The following SOX6 variants were observed in gnomAD, a reference collection of about 807,000 sequenced individuals.
SOX6 encodes transcription factor SOX-6.
In SOX6, 11 loss-of-function variants were observed where a neutral mutation model predicts 97.8. The observed-to-expected ratio is 0.11, with a 90% confidence interval of 0.07 to 0.19. The LOEUF is 0.19. Among genes scored for constraint, SOX6 ranks in the 10% least tolerant of loss-of-function variants. SOX6 has a pLI of 1.00. For missense variants in SOX6, 810 were observed against 1,039.5 expected, an observed-to-expected ratio of 0.78 and a Z score of 3.04; for synonymous variants, 360 against 371.4, an observed-to-expected ratio of 0.97 and a Z score of 0.35.
chr11:16,647,500 G>A (rs1166815635), intron 3 of SOX6, among the ~76,000 whole-genome samples: 1 of 152,180 alleles, frequency 6.6e-6, no homozygotes. Context: ...TGGCATATAG[G>A]AGACAGGGCT....
intron 6 of SOX6, among the ~76,000 whole-genome samples, chr11:16,167,831 C>T (rs183484231): frequency 1.3e-5 from 2 of 152,272 alleles, no homozygotes; most frequent in East Asian, 3.9e-4. Flanking sequence ...TTCCTCCTTC[C>T]CTGCTTTTTC....
At chr11:16,149,427 A>G (rs2134053632) in intron 6 of SOX6, among the ~76,000 whole-genome samples, 1 of 152,234 alleles carries the variant, frequency 6.6e-6, no homozygotes, top group East Asian at 1.9e-4. Flanking sequence ...CCTTTTCAGT[A>G]CATTCCAGGA....
At chr11:16,243,524 A>G (rs937928263) in intron 3 of SOX6, among the ~76,000 whole-genome samples, 1 of 151,914 alleles carries the variant, frequency 6.6e-6, no homozygotes, top group Non-Finnish European at 1.5e-5. Context: ...AACTATATTC[A>G]TATATAATTT....
chr11:16,099,085 C>T (rs2133977827), intron 7 of SOX6, among the ~76,000 whole-genome samples: 1 of 151,882 alleles, frequency 6.6e-6, no homozygotes, highest in Admixed American at 6.6e-5. Flanking sequence ...TGTACACAGT[C>T]CAGTAACAAT....
intron 6 of SOX6, among the ~76,000 whole-genome samples, chr11:16,136,343 GGTTTT>G (rs1849961507): frequency 1.0e-5 from 1 of 98,706 alleles, no homozygotes; most frequent in African/African-American, 3.3e-5. Context: ...GTGTGTGTGT[GGTTTT>G]TTTTTTTTTT....
At chr11:16,211,477 A>T (rs1852230786) in intron 4 of SOX6, among the ~76,000 whole-genome samples, 1 of 151,442 alleles carries the variant, frequency 6.6e-6, no homozygotes, top group African/African-American at 2.4e-5. Flanking sequence ...AAAACTATTT[A>T]CAAAAATATG....
chr11:16,072,021 GC>G (rs1004871259), intron 9 of SOX6, among the ~76,000 whole-genome samples: 1 of 151,902 alleles, frequency 6.6e-6, no homozygotes, highest in African/African-American at 2.4e-5. Flanking sequence ...AACTCAAAAA[GC>G]CAGAGTGCAT....
intron 6 of SOX6, among the ~76,000 whole-genome samples, chr11:16,180,438 G>T (rs1408702071): frequency 6.6e-6 from 1 of 151,572 alleles, no homozygotes; most frequent in East Asian, 1.9e-4. Context: ...TATTAGTTTT[G>T]CTTTCCATAG....
intron 11 of SOX6, among the ~76,000 whole-genome samples, chr11:16,048,658 GT>G (rs1188992003): frequency 6.6e-6 from 1 of 152,104 alleles, no homozygotes; most frequent in Non-Finnish European, 1.5e-5. Flanking sequence ...AGGCAAGAAT[GT>G]TTTTTAAGCT....
At chr11:16,147,283 A>T (rs983292019) in intron 6 of SOX6, among the ~76,000 whole-genome samples, 1 of 152,206 alleles carries the variant, frequency 6.6e-6, no homozygotes, top group African/African-American at 2.4e-5. Flanking sequence ...GTTCTCACTC[A>T]TAGGTGGGAA....
At chr11:16,327,706 G>A (rs972189196) in intron 2 of SOX6, among the ~76,000 whole-genome samples, 2 of 152,104 alleles carry the variant, frequency 1.3e-5, no homozygotes, top group Non-Finnish European at 2.9e-5. Flanking sequence ...ACTGCAAGCA[G>A]AGGAGAACAG....
chr11:15,976,931 G>A (rs950853684), intron 15 of SOX6, among the ~76,000 whole-genome samples: 8 of 151,906 alleles, frequency 5.3e-5, no homozygotes, highest in South Asian at 2.1e-4. Context: ...TAAGGCCCTC[G>A]GAAGAGTTGG....
chr11:16,033,212 G>A (rs1488706256), intron 12 of SOX6, among the ~76,000 whole-genome samples: 1 of 152,038 alleles, frequency 6.6e-6, no homozygotes, highest in Non-Finnish European at 1.5e-5. Flanking sequence ...ACAACAATAA[G>A]GGAACCAGAA....
chr11:16,627,440 G>A (rs754157213), intron 3 of SOX6, among the ~76,000 whole-genome samples: 9 of 152,040 alleles, frequency 5.9e-5, no homozygotes, highest in Non-Finnish European at 8.8e-5. Context: ...CACCAACAAC[G>A]TATAAGCCTC....
chr11:16,131,282 T>G (rs1849733386), intron 6 of SOX6, among the ~76,000 whole-genome samples: 1 of 151,746 alleles, frequency 6.6e-6, no homozygotes, highest in Non-Finnish European at 1.5e-5. Flanking sequence ...TTTATAAAAC[T>G]GGAATCAAAG....
chr11:16,371,460 C>T (rs1230924763), intron 1 of SOX6, among the ~76,000 whole-genome samples: 1 of 151,394 alleles, frequency 6.6e-6, no homozygotes, highest in African/African-American at 2.4e-5. Flanking sequence ...TAATAACTTA[C>T]TTTTTCTTTT....
intron 9 of SOX6, among the ~76,000 whole-genome samples, chr11:16,056,589 T>A (rs1459727520): frequency 1.3e-5 from 2 of 152,170 alleles, no homozygotes; most frequent in African/African-American, 2.4e-5. Context: ...TCCAAACAGA[T>A]CACCACACTT....
At chr11:16,237,051 CA>C (rs1853045724) in intron 3 of SOX6, among the ~76,000 whole-genome samples, 1 of 151,828 alleles carries the variant, frequency 6.6e-6, no homozygotes, top group Non-Finnish European at 1.5e-5. Context: ...TATTTAATAG[CA>C]ACCACTGATT....
At chr11:16,311,807 A>G (rs752730154) in intron 3 of SOX6, 17 of 152,212 alleles carry the variant, frequency 1.1e-4, no homozygotes, top group Non-Finnish European at 1.8e-4. Context: ...ACTATACCAT[A>G]TATCTCTTTT....
Sources: gnomAD v4.1 joint callset for allele counts (sites outside exome capture counted in the v4.1 genomes callset) on GRCh38, gnomAD v4.1.1 for gene constraint, MANE v1.5 for transcripts, NCBI Gene and HGNC (gene_info 2026-07-23, HGNC 2026-07-21) for gene names.